SAMD3: variants seen among roughly 807,000 people sequenced by gnomAD.
SAMD3 encodes sterile alpha motif domain containing 3.
In SAMD3, 63 loss-of-function variants were observed where a neutral mutation model predicts 58.5. That is an observed-to-expected ratio of 1.08 (90% confidence interval 0.88 to 1.33). SAMD3 has a LOEUF of 1.33. Among genes scored for constraint, SAMD3 ranks in the 40% most tolerant of loss-of-function variants. The pLI, the probability that SAMD3 is intolerant of heterozygous loss-of-function variation, is 0.00. For missense variants in SAMD3, 604 were observed against 608.4 expected (o/e 0.99, Z 0.08); for synonymous variants, 220 against 210.3 (o/e 1.05, Z -0.40).
At chr6:130,333,404 C>T (rs1777001676) in intron 1 of SAMD3, among the ~76,000 whole-genome samples, 1 of 152,162 alleles carries the variant, frequency 6.6e-6, no homozygotes, top group Non-Finnish European at 1.5e-5. Context: ...CATTGCTCCA[C>T]CTTCTCCTCA....
At chr6:130,156,967 G>T (rs1404156607) in intron 8 of SAMD3, among the ~76,000 whole-genome samples, 1 of 152,074 alleles carries the variant, frequency 6.6e-6, no homozygotes, top group African/African-American at 2.4e-5. Context: ...CTACCCGGGG[G>T]ACTGAGACAG....
chr6:130,247,172 T>C (rs773389220), intron 2 of SAMD3, among the ~76,000 whole-genome samples: 2 of 152,248 alleles, frequency 1.3e-5, no homozygotes, highest in South Asian at 2.1e-4. Context: ...TCAGGAATCA[T>C]CATGAAAATG....
rs147089557 is a variant in SAMD3, at chr6:130,321,475, A to G, written c.-303-8382T>C. Among the ~76,000 whole-genome samples, 233 of 152,310 alleles carry G rather than the reference A, an allele frequency of 1.5e-3. 1 individual carries two copies. Among genetic ancestry groups the G allele is most frequent in the African/African-American group, 5.2e-3 (217 of 41,552 alleles). ...ACCCATGGAAATGGCGAAGTAATAAATGTTTGTTATTTTAAGCTGCTAAAC... is the reference window on the plus strand; with the variant it reads ...ACCCATGGAAATGGCGAAGTAATAAGTGTTTGTTATTTTAAGCTGCTAAAC... On this transcript the variant is annotated intron_variant, in intron 1 of 13. Transcript: ENST00000368134.
chr6:130,232,284 A>G (rs1562471364), intron 2 of SAMD3, among the ~76,000 whole-genome samples: 1 of 152,208 alleles, frequency 6.6e-6, no homozygotes, highest in East Asian at 1.9e-4. Flanking sequence ...AAAGGATTGG[A>G]CAAGGCCATT....
At chr6:130,197,553 C>T (rs1468005005) in intron 5 of SAMD3, among the ~76,000 whole-genome samples, 2 of 152,104 alleles carry the variant, frequency 1.3e-5, no homozygotes, top group African/African-American at 2.4e-5. Flanking sequence ...TTTTTCAATT[C>T]ATACAAAACT....
chr6:130,329,705 C>T (rs1347413903), intron 1 of SAMD3, among the ~76,000 whole-genome samples: 1 of 152,070 alleles, frequency 6.6e-6, no homozygotes, highest in East Asian at 1.9e-4. Flanking sequence ...GAAAATGTGG[C>T]ACATATATGT....
At chr6:130,226,306 G>A (rs140911628), upstream of SAMD3, among the ~76,000 whole-genome samples, 680 of 152,240 alleles carry the variant, frequency 4.5e-3, 1 homozygote, top group Non-Finnish European at 7.3e-3. Flanking sequence ...TGATTCCTAA[G>A]CCCTTTCTTA....
At chr6:130,178,661 C>T (rs898122472) in intron 7 of SAMD3, among the ~76,000 whole-genome samples, 18 of 152,222 alleles carry the variant, frequency 1.2e-4, no homozygotes, top group African/African-American at 4.3e-4. Context: ...AGTGTGAATA[C>T]ATATCAGCCA....
chr6:130,265,380 C>A (rs144652421), intron 2 of SAMD3, among the ~76,000 whole-genome samples: 82 of 152,250 alleles, frequency 5.4e-4, no homozygotes, highest in African/African-American at 1.8e-3. Context: ...TCAGTCACAC[C>A]TGGAAGCTGA....
chr6:130,184,482 A>G lies in SAMD3; in HGVS notation c.525T>C (p.Ile175=), dbSNP rs1281126553. The stretch of plus-strand genomic sequence containing the variant: ...TAGTCATGTCGGCCTGGAGAAACTC[A>G]ATGATCCTTATCCTCATGCTGTGAT... ...CPDHSMRIRI[I]EFLQADMTKY... Residue 175 remains isoleucine, a synonymous_variant, in exon 6 of 12, where the codon ATT becomes ATC. Transcript: ENST00000439090. 6.2e-7 allele frequency: 1 copy of G among 1,613,994 alleles called. No homozygotes were observed. The highest frequency in any genetic ancestry group is 2.2e-5 in the East Asian group (1 of 44,894).
rs41285306 is a variant in SAMD3 at position 130,146,093 on chromosome 6, G to T, written c.1112C>A (p.Thr371Asn). Residue 371 changes from threonine to asparagine, a missense_variant, in exon 10 of 12, where the codon ACT becomes AAT. Transcript: ENST00000439090. ...ILESYSENIL[T>N]SFSVVDNPIN... Reference sequence around the variant, plus strand: ...TGGATTGTCCACCACTGAAAAAGAAGTCAGTATATTTTCTGAATAGGATTC... The same window carrying T: ...TGGATTGTCCACCACTGAAAAAGAATTCAGTATATTTTCTGAATAGGATTC... 6.3e-7 allele frequency: 1 copy of T among 1,599,956 alleles called. No homozygotes were observed. The highest frequency in any genetic ancestry group is 1.1e-5 in the South Asian group (1 of 88,844).
chr6:130,330,219 T>G (rs1284645296), intron 1 of SAMD3, among the ~76,000 whole-genome samples: 1 of 152,106 alleles, frequency 6.6e-6, no homozygotes, highest in African/African-American at 2.4e-5. Context: ...GAGAGGATAT[T>G]TTCTAAATTT....
chr6:130,324,244 C>T (rs780725305), intron 1 of SAMD3, among the ~76,000 whole-genome samples: 5 of 152,106 alleles, frequency 3.3e-5, no homozygotes, highest in African/African-American at 7.2e-5. Context: ...CAGTTACCTT[C>T]GAGATCATTA....
At chr6:130,345,745 T>C (rs298946) in intron 1 of SAMD3, among the ~76,000 whole-genome samples, 115,103 of 152,146 alleles carry the variant, frequency 0.76, 44,992 homozygotes, top group East Asian at 1. Context: ...AATTTGTCAG[T>C]TGTCCTCAAG....
chr6:130,253,062 T>C (rs904560776), intron 2 of SAMD3, among the ~76,000 whole-genome samples: 2 of 152,212 alleles, frequency 1.3e-5, no homozygotes, highest in African/African-American at 4.8e-5. Flanking sequence ...TCTGTGTACA[T>C]ACTTTACACA....
chr6:130,156,841 G>A (rs1375766408), intron 8 of SAMD3, among the ~76,000 whole-genome samples: 1 of 152,076 alleles, frequency 6.6e-6, no homozygotes, highest in East Asian at 1.9e-4. Flanking sequence ...GGCCGAGGCG[G>A]GTGGATCACC....
In SAMD3 at chr6:130,144,638, C is replaced by CT; in HGVS notation, c.1444dup (p.Arg482LysfsTer63). The CT allele has an allele frequency of 6.2e-7, 1 of 1,614,130 alleles. No individual in the cohort carries two copies. The highest frequency in any genetic ancestry group is 8.5e-7 in the Non-Finnish European group (1 of 1,180,008). On this transcript the variant is annotated frameshift_variant, in exon 12 of 12. Transcript: ENST00000439090. LOFTEE classifies it high-confidence loss of function. ...GAAGTTGAAAGTTTGGGACAGTCTTCTTGGACACTCAATCCTAAATACATG... is the reference window on the plus strand; with the variant it reads ...GAAGTTGAAAGTTTGGGACAGTCTTCTTTGGACACTCAATCCTAAATACATG...
chr6:130,179,064 G>A (rs1009687924), intron 7 of SAMD3, among the ~76,000 whole-genome samples: 2 of 152,132 alleles, frequency 1.3e-5, no homozygotes, highest in Admixed American at 1.3e-4. Context: ...TAGCTCTGAA[G>A]GGTTTCTAAA....
At chr6:130,262,658 ATGTAAAACT>A (rs1774183017) in intron 2 of SAMD3, among the ~76,000 whole-genome samples, 1 of 152,162 alleles carries the variant, frequency 6.6e-6, no homozygotes, top group Non-Finnish European at 1.5e-5. Flanking sequence ...GGCCTCCTAA[ATGTAAAACT>A]ATTAAAGAAA....
Sources: gnomAD v4.1 joint callset for allele counts (sites outside exome capture counted in the v4.1 genomes callset) on GRCh38, gnomAD v4.1.1 for gene constraint, MANE v1.5 for transcripts, NCBI Gene and HGNC (gene_info 2026-07-23, HGNC 2026-07-21) for gene names.